Variants in PDE3A observed in about 807,000 individuals in gnomAD.
PDE3A encodes phosphodiesterase 3A, also known as cGMP-inhibited 3',5'-cyclic phosphodiesterase 3A.
Under a neutral mutation model 98.3 loss-of-function variants are expected in PDE3A, and 43 were observed. That is an observed-to-expected ratio of 0.44 (90% CI 0.34 to 0.56). PDE3A has a LOEUF of 0.56. PDE3A is among the 20% of genes least tolerant of loss of function. PDE3A has a pLI of 0.01. For missense variants in PDE3A, 1,427 were observed against 1,440.7 expected (o/e 0.99, Z 0.15); for synonymous variants, 663 against 567.9 (o/e 1.17, Z -2.38).
intron 15 of PDE3A, among the ~76,000 whole-genome samples, chr12:20,657,619 AG>A: frequency 6.6e-6 from 1 of 152,332 alleles, no homozygotes; most frequent in East Asian, 1.9e-4. Context: ...GAGCAATGAA[AG>A]GCTCTTTGTT....
At chr12:20,419,513 G>A (rs904571385) in intron 1 of PDE3A, among the ~76,000 whole-genome samples, 13 of 151,434 alleles carry the variant, frequency 8.6e-5, no homozygotes, top group Non-Finnish European at 1.9e-4. Flanking sequence ...TCTAAAAGAC[G>A]CTGTGTTTTT....
At chr12:20,569,450 C>G (rs1426707429) in intron 2 of PDE3A, among the ~76,000 whole-genome samples, 1 of 152,028 alleles carries the variant, frequency 6.6e-6, no homozygotes, top group African/African-American at 2.4e-5. Flanking sequence ...TCTTTCATAA[C>G]CTTGTAAGGA....
intron 1 of PDE3A, among the ~76,000 whole-genome samples, chr12:20,456,363 T>C (rs56150763): frequency 0.2 from 30,123 of 151,660 alleles, 3,165 homozygotes; most frequent in Admixed American, 0.29. Context: ...GGAGATACTA[T>C]ACAAACAAAT....
At chr12:20,509,487 A>C (rs1476302273) in intron 1 of PDE3A, among the ~76,000 whole-genome samples, 1 of 151,908 alleles carries the variant, frequency 6.6e-6, no homozygotes, top group Non-Finnish European at 1.5e-5. Context: ...AGATCTATTT[A>C]CCCTAGAAGT....
intron 1 of PDE3A, among the ~76,000 whole-genome samples, chr12:20,413,404 T>C (rs1159977884): frequency 6.6e-6 from 1 of 152,198 alleles, no homozygotes; most frequent in African/African-American, 2.4e-5. Context: ...TCTTTGTTTC[T>C]GTCTCTAGTT....
At chr12:20,545,424 A>G (rs923649074) in intron 1 of PDE3A, among the ~76,000 whole-genome samples, 4 of 152,050 alleles carry the variant, frequency 2.6e-5, no homozygotes, top group African/African-American at 9.7e-5. Context: ...CTATATTGAA[A>G]TGCTAAGAAT....
intron 1 of PDE3A, among the ~76,000 whole-genome samples, chr12:20,531,257 T>G (rs1941591564): frequency 1.3e-5 from 2 of 152,230 alleles, no homozygotes; most frequent in Admixed American, 1.3e-4. Flanking sequence ...TTTTCCCATA[T>G]TTGTTCTTGC....
intron 2 of PDE3A, among the ~76,000 whole-genome samples, chr12:20,611,719 A>G (rs1410644701): frequency 6.6e-6 from 1 of 151,902 alleles, no homozygotes; most frequent in African/African-American, 2.4e-5. Flanking sequence ...AGGACTAGAT[A>G]TCTTTATGGA....
At chr12:20,492,186 G>A (rs575680958) in intron 1 of PDE3A, among the ~76,000 whole-genome samples, 1 of 152,230 alleles carries the variant, frequency 6.6e-6, no homozygotes, top group South Asian at 2.1e-4. Flanking sequence ...TCACCACGTT[G>A]TCCAAGCTGG....
chr12:20,450,002 T>C, intron 1 of PDE3A: 1 of 688,708 alleles, frequency 1.5e-6, no homozygotes, highest in Non-Finnish European at 2.7e-6. Flanking sequence ...GTCAATAAAT[T>C]AGCTCCATCT....
intron 2 of PDE3A, among the ~76,000 whole-genome samples, chr12:20,569,016 A>G (rs1028217353): frequency 8.5e-5 from 13 of 152,088 alleles, no homozygotes; most frequent in South Asian, 2.1e-4. Context: ...TGGCCACCAC[A>G]TTAATAAATA....
At chr12:20,626,383 GAA>G (rs11402218) in intron 5 of PDE3A, among the ~76,000 whole-genome samples, 1 of 147,838 alleles carries the variant, frequency 6.8e-6, no homozygotes, top group Admixed American at 6.7e-5. Flanking sequence ...TTTGGCTTTG[GAA>G]AAAAAAAAAG....
chr12:20,575,047 C>T (rs1460792490), intron 2 of PDE3A, among the ~76,000 whole-genome samples: 2 of 151,958 alleles, frequency 1.3e-5, no homozygotes, highest in African/African-American at 4.8e-5. Flanking sequence ...ACTTTGACTA[C>T]ATGAGTAAGA....
intron 2 of PDE3A, among the ~76,000 whole-genome samples, chr12:20,558,913 G>C (rs750847535): frequency 5.9e-5 from 9 of 152,046 alleles, no homozygotes; most frequent in Non-Finnish European, 1.2e-4. Context: ...TGGTTTCTAA[G>C]CACTTCCTAT....
At position 20,648,763 on chromosome 12, in the gene PDE3A, C is replaced by A; in HGVS notation, c.2641C>A (p.Pro881Thr). 1 of 1,612,494 alleles carries A rather than the reference C, an allele frequency of 6.2e-7. No homozygotes were observed. The highest frequency in any genetic ancestry group is 8.5e-7 in the Non-Finnish European group (1 of 1,178,594). The change falls in exon 13 of 16, where the codon CCA becomes ACA. Residue 881 changes from proline to threonine, a missense_variant. Pro to Thr is a conservative substitution (Grantham distance 38). This residue lies in a region of PDE3A where 273 missense variants were observed against 420.3 expected (regional missense o/e 0.65). Transcript: ENST00000359062. ...AAAWNLFMSR[P>T]EYNFLINLDH... ...TGCATGGAATCTTTTCATGTCCCGGCCAGAGTATAACTTCTTAATTAACCT... is the reference window on the plus strand; with the variant it reads ...TGCATGGAATCTTTTCATGTCCCGGACAGAGTATAACTTCTTAATTAACCT...
intron 1 of PDE3A, among the ~76,000 whole-genome samples, chr12:20,400,398 T>C (rs79547746): frequency 4.0e-5 from 1 of 24,784 alleles, no homozygotes; most frequent in Non-Finnish European, 1.2e-4. Context: ...TTTTTTTTTT[T>C]TTTTTTTTTT....
At chr12:20,440,601 G>C (rs1276263221) in intron 1 of PDE3A, among the ~76,000 whole-genome samples, 1 of 152,162 alleles carries the variant, frequency 6.6e-6, no homozygotes, top group Non-Finnish European at 1.5e-5. Flanking sequence ...AACACTTCTT[G>C]AGTACTTGTT....
chr12:20,479,019 C>A (rs1172168031), intron 1 of PDE3A, among the ~76,000 whole-genome samples: 1 of 152,002 alleles, frequency 6.6e-6, no homozygotes, highest in East Asian at 1.9e-4. Context: ...TTATTAAAAC[C>A]CACATTTTAT....
chr12:20,678,791 T>A (rs970998899), intron 15 of PDE3A, among the ~76,000 whole-genome samples: 2 of 152,182 alleles, frequency 1.3e-5, no homozygotes, highest in African/African-American at 4.8e-5. Flanking sequence ...CAGGCCCGAC[T>A]TGGGCCACAC....
Sources: gnomAD v4.1 joint callset for allele counts (sites outside exome capture counted in the v4.1 genomes callset) on GRCh38, gnomAD v4.1.1 for gene constraint, gnomAD v4.1.1 regional missense constraint, MANE v1.5 for transcripts, NCBI Gene and HGNC (gene_info 2026-07-23, HGNC 2026-07-21) for gene names.